Variants in MYH15 observed in about 807,000 individuals in gnomAD.
The protein encoded by MYH15 is myosin-15.
Under a neutral mutation model 240.5 loss-of-function variants are expected in MYH15, and 227 were observed. The ratio of observed to expected loss-of-function variants is 0.94; its 90% confidence interval spans 0.85 to 1.05. The LOEUF is 1.05. Among genes scored for constraint, MYH15 ranks in the 50% least tolerant of loss-of-function variants. The pLI is 0.00. For synonymous variants in MYH15, 785 were observed against 796.7 expected, an observed-to-expected ratio of 0.99 and a Z score of 0.25; for missense variants, 2,217 against 2,247.5, an observed-to-expected ratio of 0.99 and a Z score of 0.27.
upstream of MYH15, among the ~76,000 whole-genome samples, chr3:108,530,690 A>C (rs1386775970): frequency 6.6e-6 from 1 of 152,050 alleles, no homozygotes; most frequent in Non-Finnish European, 1.5e-5. Context: ...ATATATGGAA[A>C]ATCTCTGTAT....
At position 108,464,813 on chromosome 3, in the gene MYH15, G is replaced by A; in HGVS notation, c.1556C>T (p.Pro519Leu). 1 of 1,604,298 alleles carries A rather than the reference G, an allele frequency of 6.2e-7. No homozygotes were observed. Among genetic ancestry groups the A allele is most frequent in the Non-Finnish European group, 8.5e-7 (1 of 1,176,706 alleles). The change falls in exon 15 of 41, where the codon CCA (proline) becomes CTA (leucine). Residue 519 changes from proline to leucine, a missense_variant and splice_region_variant. Coordinates refer to ENST00000693548, the MANE Select transcript of MYH15 (RefSeq NM_014981.3). Reference protein sequence around the residue: ...LQACIDLIEKPMGILSILEEE... With the variant: ...LQACIDLIEKLMGILSILEEE... Reference sequence around the variant, plus strand: ...TTCAAGGATGGAAAGGATGCCCATTGGCTGTTGAAGAGACATAAGAGCAGC... The same window carrying A: ...TTCAAGGATGGAAAGGATGCCCATTAGCTGTTGAAGAGACATAAGAGCAGC...
At position 108,444,544 on chromosome 3, in the gene MYH15, T is replaced by C. The variant is rs1006417492; in HGVS notation, c.2655+96A>G. The C allele has an allele frequency of 1.2e-5, 17 of 1,364,462 alleles. No individual in the cohort carries two copies. The Admixed American group carries it at 1.3e-4, about 11-fold the overall frequency. 84.5% of individuals were successfully genotyped at this position (1,364,462 alleles called of 1,614,324 possible). ...AATCCTTTGGTATTTGAAAACCACA[T>C]GCATCTATTTTTTTGTTTCCGTGTC... On this transcript the variant is annotated intron_variant, in intron 22 of 40. Transcript: ENST00000693548.
At chr3:108,455,966 T>G in intron 19 of MYH15, 107 bp from the exon 20 acceptor site, 1 of 1,078,060 alleles carries the variant, frequency 9.3e-7, no homozygotes, top group Non-Finnish European at 1.3e-6. Context: ...TTATCTCTGT[T>G]ACTAATATGT....
chr3:108,515,026 C>A (rs994951136), upstream of MYH15, among the ~76,000 whole-genome samples: 1 of 152,220 alleles, frequency 6.6e-6, no homozygotes, highest in South Asian at 2.1e-4. Flanking sequence ...CACTTTTAGA[C>A]GACACAGTTT....
Position 108,428,736 on chromosome 3 carries a change from A to G in MYH15, c.3458T>C (p.Leu1153Pro), listed in dbSNP as rs759523336. The change falls in exon 27 of 41, where the codon CTG becomes CCG. Residue 1153 changes from leucine to proline, a missense_variant. Leu to Pro is a moderately conservative substitution (Grantham distance 98, BLOSUM62 -3). Coordinates refer to ENST00000693548, the MANE Select transcript of MYH15 (RefSeq NM_014981.3). Reference sequence around the variant, plus strand: ...GGTTTCCTGTTTCTTAGTTATTTCCAGCTGAGCCAAACTGGATCCTCCTAC... The same window carrying G: ...GGTTTCCTGTTTCTTAGTTATTTCCGGCTGAGCCAAACTGGATCCTCCTAC... Reference protein sequence around the residue: ...EEVGGSSLAQLEITKKQETKF... With the variant: ...EEVGGSSLAQPEITKKQETKF... The G allele has an allele frequency of 6.2e-7, 1 of 1,613,458 alleles. No individual in the cohort carries two copies. Among genetic ancestry groups the G allele is most frequent in the Non-Finnish European group, 8.5e-7 (1 of 1,179,882 alleles).
chr3:108,501,392 C>T (rs1382993880), intron 3 of MYH15, among the ~76,000 whole-genome samples: 1 of 152,188 alleles, frequency 6.6e-6, no homozygotes, highest in Non-Finnish European at 1.5e-5. Flanking sequence ...GAAAGGCAGA[C>T]ATTGTTATCC....
At chr3:108,478,692 A>C (rs76634794) in intron 11 of MYH15, among the ~76,000 whole-genome samples, 23,895 of 151,932 alleles carry the variant, frequency 0.16, 2,107 homozygotes, top group South Asian at 0.27. Flanking sequence ...AAAAAAAAAA[A>C]AGAGAAACAT....
the MYH15 span, among the ~76,000 whole-genome samples, chr3:108,535,302 GAGAAGTCAAAGATC>G: frequency 3.5e-5 from 5 of 144,086 alleles, 1 homozygote; most frequent in East Asian, 9.6e-4. Flanking sequence ...TTTGGATGCT[GAGAAGTCAAAGATC>G]AAGGCATCAG....
At chr3:108,541,055 T>C in the MYH15 span, among the ~76,000 whole-genome samples, 1 of 152,050 alleles carries the variant, frequency 6.6e-6, no homozygotes, top group South Asian at 2.1e-4. Flanking sequence ...CTGAAGATCA[T>C]GAACACATGA....
Position 108,408,396 on chromosome 3 carries a change from A to G in MYH15, c.4504T>C (p.Ser1502Pro). 1 of 1,610,358 alleles carries G rather than the reference A, an allele frequency of 6.2e-7. No individual in the cohort carries two copies. The highest frequency in any genetic ancestry group is 1.1e-5 in the South Asian group (1 of 90,274). Residue 1502 changes from serine to proline, a missense_variant, in exon 32 of 41, where the codon TCT (serine) becomes CCT (proline). Ser to Pro is a moderately conservative substitution (Grantham distance 74). Coordinates refer to ENST00000693548, the MANE Select transcript of MYH15 (RefSeq NM_014981.3). The part of the protein sequence containing the change: ...RENKNLQEEI[S>P]NLTNQVREGT... ...TCTCTAACCTGGTTTGTCAGATTAG[A>G]AATCTCTTCTGGAGACAGAGGTAAG...
chr3:108,425,891 C>G (rs1232642443), intron 27 of MYH15, among the ~76,000 whole-genome samples: 1 of 152,142 alleles, frequency 6.6e-6, no homozygotes, highest in Non-Finnish European at 1.5e-5. Context: ...CTGCTGAGGT[C>G]TTAAATGGAA....
In MYH15 at chr3:108,529,308, T is replaced by C. The variant is rs1174232034; in HGVS notation, c.-103A>G. 1.9e-6 allele frequency: 3 copies of C among 1,562,768 alleles called. No homozygotes were observed. In the African/African-American group the frequency reaches 4.1e-5, roughly 21 times the overall value. On this transcript the variant is annotated 5_prime_UTR_variant, in exon 1 of 42. Coordinates refer to the MYH15 transcript ENST00000273353. ...GAGGTAAATACAATTAAAATGATCA[T>C]ATGAAGTAGAAATGACCTAAATTGA...
At chr3:108,441,571 G>T (rs1401988667) in intron 22 of MYH15, among the ~76,000 whole-genome samples, 1 of 152,108 alleles carries the variant, frequency 6.6e-6, no homozygotes, top group Non-Finnish European at 1.5e-5. Context: ...AATCAGTGGT[G>T]TGCTGCTTAA....
In MYH15 at chr3:108,421,218, T is replaced by C. The variant is rs371507975; in HGVS notation, c.3703-4A>G. Reference sequence around the variant, plus strand: ...TACAGAGTTTCTCAGCATTTGCCTATAAGTTGAGAAAGAAGGGCTGGTCAG... The same window carrying C: ...TACAGAGTTTCTCAGCATTTGCCTACAAGTTGAGAAAGAAGGGCTGGTCAG... On this transcript the variant is annotated splice_polypyrimidine_tract_variant and splice_region_variant and intron_variant, in intron 27 of 40. Coordinates refer to ENST00000693548, the MANE Select transcript of MYH15 (RefSeq NM_014981.3). 3.0e-5 allele frequency: 48 copies of C among 1,610,858 alleles called. No individual in the cohort carries two copies. The African/African-American group carries it at 5.7e-4, about 19-fold the overall frequency.
At position 108,441,055 on chromosome 3, in the gene MYH15, A is replaced by G. The variant is rs2107568765; in HGVS notation, c.2861T>C (p.Val954Ala). The G allele has an allele frequency of 6.2e-7, 1 of 1,614,146 alleles. No homozygotes were observed. The highest frequency in any genetic ancestry group is 2.2e-5 in the East Asian group (1 of 44,888). Residue 954 changes from valine (V) to alanine (A), a missense_variant, in exon 23 of 41, where the codon GTG becomes GCG. Physicochemically the swap from Val to Ala is moderately conservative, Grantham distance 64. Transcript: ENST00000693548. The stretch of plus-strand genomic sequence containing the variant: ...AGTACGCTTCTCCTTCTCTGACTTC[A>G]CCAACATTGTTTCCAGGTCATCGAT... ...KEIDDLETMLVKSEKEKRTTE... is the reference protein window; with the variant it reads ...KEIDDLETMLAKSEKEKRTTE...
chr3:108,474,257 T>C (rs2083201018), intron 12 of MYH15, among the ~76,000 whole-genome samples: 1 of 151,852 alleles, frequency 6.6e-6, no homozygotes, highest in South Asian at 2.1e-4. Flanking sequence ...GCTTTCTTAC[T>C]ATGTCTCCAG....
intron 30 of MYH15, 65 bp from the exon 31 acceptor site, chr3:108,410,997 C>G (rs2082588993): frequency 5.1e-6 from 7 of 1,369,850 alleles, no homozygotes; most frequent in Non-Finnish European, 5.0e-6. Flanking sequence ...ATCAAGTCTG[C>G]CCTGGATTAA....
Position 108,427,635 on chromosome 3 carries a change from C to CACACACAGAG in MYH15, c.3702+856_3702+857insCTCTGTGTGT, listed in dbSNP as rs570359637. ...CACACACAACACACACACACACACA[C>CACACACAGAG]AGAGAGAGAGAGAGAGAGAGAAAGA... On this transcript the variant is annotated intron_variant, in intron 27 of 40. Transcript: ENST00000693548. Among the ~76,000 whole-genome samples, 286 of 146,736 alleles carry CACACACAGAG rather than the reference C, an allele frequency of 1.9e-3. 2 individuals carry two copies. The highest frequency in any genetic ancestry group is 0.011 in the South Asian group (48 of 4,560).
At chr3:108,435,078 T>C (rs1325023594) in intron 25 of MYH15, among the ~76,000 whole-genome samples, 2 of 152,236 alleles carry the variant, frequency 1.3e-5, no homozygotes, top group African/African-American at 4.8e-5. Context: ...TATTGAGTTA[T>C]AGATTTTCCT....
Sources: gnomAD v4.1 joint callset for allele counts (sites outside exome capture counted in the v4.1 genomes callset) on GRCh38, gnomAD v4.1.1 for gene constraint, MANE v1.5 for transcripts, NCBI Gene and HGNC (gene_info 2026-07-23, HGNC 2026-07-21) for gene names.